The following GPC5 variants were observed in gnomAD, a reference collection of about 807,000 sequenced individuals.
GPC5 encodes glypican-5.
GPC5 carries 47 observed loss-of-function variants against 53.9 expected under a neutral mutation model. The ratio of observed to expected loss-of-function variants is 0.87; its 90% CI spans 0.69 to 1.11. The LOEUF (loss-of-function observed/expected upper bound fraction) is 1.11. Ranked by LOEUF, GPC5 falls within the 50% of genes most tolerant of loss-of-function variation. The pLI is 0.00. For missense variants in GPC5, 748 were observed against 713.1 expected (o/e 1.05, Z -0.56); for synonymous variants, 286 against 263.3 (o/e 1.09, Z -0.84).
chr13:91,669,394 C>T (rs1734124767), intron 2 of GPC5, among the ~76,000 whole-genome samples: 1 of 152,174 alleles, frequency 6.6e-6, no homozygotes, highest in South Asian at 2.1e-4. Flanking sequence ...AACCCCTCCA[C>T]AATAGAATAG....
intron 7 of GPC5, among the ~76,000 whole-genome samples, chr13:92,535,690 G>A (rs1196512801): frequency 6.6e-6 from 1 of 151,262 alleles, no homozygotes; most frequent in Non-Finnish European, 1.5e-5. Flanking sequence ...CAACCAGTCT[G>A]TGGGACTATT....
intron 6 of GPC5, among the ~76,000 whole-genome samples, chr13:91,975,611 T>C (rs1373006426): frequency 1.3e-5 from 2 of 152,248 alleles, no homozygotes; most frequent in East Asian, 1.9e-4. Flanking sequence ...CATTAAAAAG[T>C]CAGGAAACAA....
In GPC5 at chr13:92,730,215, G is replaced by C. The variant is rs1168470164; in HGVS notation, c.1562-136067G>C. Among the ~76,000 whole-genome samples, 4 of 151,430 alleles carry C rather than the reference G, an allele frequency of 2.6e-5. No individual in the cohort carries two copies. The East Asian group carries it at 7.8e-4, about 30-fold the overall frequency. ...TTTTTAATAGACTTCATTTTTAGCA[G>C]TTTTAAGTTTAGAGAGAAAAATAAG... is the stretch of plus-strand genomic sequence containing the variant. On this transcript the variant is annotated intron_variant, in intron 7 of 7. Transcript: ENST00000377067.
chr13:92,709,331 G>T (rs765858625), intron 7 of GPC5, among the ~76,000 whole-genome samples: 1 of 151,430 alleles, frequency 6.6e-6, no homozygotes, highest in Non-Finnish European at 1.5e-5. Flanking sequence ...AGTCCTGGAA[G>T]TACAGGCCAC....
intron 6 of GPC5, among the ~76,000 whole-genome samples, chr13:92,139,648 C>G (rs1219799440): frequency 1.8e-5 from 2 of 112,718 alleles, no homozygotes; most frequent in African/African-American, 3.6e-5. Flanking sequence ...GCCTGGGTGA[C>G]AGAGTGAGAT....
At chr13:92,632,120 CA>C (rs1020702791) in intron 7 of GPC5, among the ~76,000 whole-genome samples, 7 of 152,044 alleles carry the variant, frequency 4.6e-5, no homozygotes, top group African/African-American at 1.7e-4. Context: ...AATATTTACA[CA>C]CAAAAGTCAG....
chr13:91,749,015 A>G lies in GPC5; in HGVS notation c.1155-7280A>G, dbSNP rs371344511. On this transcript the variant is annotated intron_variant, in intron 4 of 7. Transcript: ENST00000377067. ...AGTCGAGCGCTCTTACGCCATGGCA[A>G]GACATTTTATTGTTTCTTATTTTTT... 2.6e-5 allele frequency among the ~76,000 whole-genome samples: 4 copies of G among 152,086 alleles called. No individual in the cohort carries two copies. In the East Asian group the frequency reaches 7.7e-4, roughly 29 times the overall value.
At chr13:91,908,215 A>G (rs548686390) in intron 6 of GPC5, among the ~76,000 whole-genome samples, 158 bp downstream of exon 6, 2 of 152,234 alleles carry the variant, frequency 1.3e-5, no homozygotes, top group East Asian at 3.9e-4. Context: ...ATTTAGTTTC[A>G]TGATTTTTGG....
intron 7 of GPC5, among the ~76,000 whole-genome samples, chr13:92,503,723 G>T (rs1880269692): frequency 6.6e-6 from 1 of 151,730 alleles, no homozygotes; most frequent in South Asian, 2.1e-4. Flanking sequence ...AAAACAATAA[G>T]TCTGTATCAC....
At chr13:91,416,255 C>T (rs1288218316) in intron 1 of GPC5, among the ~76,000 whole-genome samples, 1 of 152,042 alleles carries the variant, frequency 6.6e-6, no homozygotes, top group Admixed American at 6.5e-5. Flanking sequence ...TTAAGTTGAC[C>T]TCAAAAAGAA....
At chr13:92,079,329 C>T (rs928340396) in intron 6 of GPC5, among the ~76,000 whole-genome samples, 14 of 152,184 alleles carry the variant, frequency 9.2e-5, no homozygotes, top group African/African-American at 3.1e-4. Flanking sequence ...TGATTACAGG[C>T]GTAAGCCACC....
At position 92,512,052 on chromosome 13, in the gene GPC5, T is replaced by C. The variant is rs571933604; in HGVS notation, c.1562-354230T>C. Among the ~76,000 whole-genome samples, 5 of 152,272 alleles carry C rather than the reference T, an allele frequency of 3.3e-5. No individual in the cohort carries two copies. In the South Asian group the frequency reaches 1.0e-3, roughly 32 times the overall value. On this transcript the variant is annotated intron_variant, in intron 7 of 7. Transcript: ENST00000377067. ...GTCAGTGGGAAAGAAGCAAAATAGCTCCTGACCTTCTCTAAGACCAAGTTT... is the reference window on the plus strand; with the variant it reads ...GTCAGTGGGAAAGAAGCAAAATAGCCCCTGACCTTCTCTAAGACCAAGTTT...
chr13:91,635,722 CCTAT>C (rs528802093), intron 2 of GPC5, among the ~76,000 whole-genome samples: 40 of 152,246 alleles, frequency 2.6e-4, no homozygotes, highest in African/African-American at 8.9e-4. Flanking sequence ...CTGAAAATTG[CCTAT>C]CTTTTTTCTC....
intron 5 of GPC5, among the ~76,000 whole-genome samples, chr13:91,785,246 G>A (rs1389895563): frequency 1.3e-5 from 2 of 152,182 alleles, no homozygotes; most frequent in Admixed American, 6.5e-5. Flanking sequence ...GACATTTTGG[G>A]TCAGACAATT....
At chr13:91,974,341 A>G (rs1461651596) in intron 6 of GPC5, among the ~76,000 whole-genome samples, 4 of 152,202 alleles carry the variant, frequency 2.6e-5, no homozygotes, top group Non-Finnish European at 4.4e-5. Flanking sequence ...CCCTGTTTGT[A>G]GATGACATGA....
chr13:91,563,609 C>T (rs1347144439), intron 2 of GPC5, among the ~76,000 whole-genome samples: 1 of 152,144 alleles, frequency 6.6e-6, no homozygotes, highest in Admixed American at 6.6e-5. Context: ...TTTCTTTAGT[C>T]ATGACACAAA....
At chr13:92,737,502 T>G (rs934430918) in intron 7 of GPC5, among the ~76,000 whole-genome samples, 1 of 152,082 alleles carries the variant, frequency 6.6e-6, no homozygotes, top group South Asian at 2.1e-4. Flanking sequence ...TCAAGAAAAC[T>G]GGAAATTTAG....
At chr13:91,971,711 A>G (rs999765431) in intron 6 of GPC5, among the ~76,000 whole-genome samples, 4 of 152,184 alleles carry the variant, frequency 2.6e-5, no homozygotes, top group Non-Finnish European at 4.4e-5. Context: ...TTCTGCCTTC[A>G]TTTCGTTATG....
intron 2 of GPC5, among the ~76,000 whole-genome samples, chr13:91,464,158 A>C (rs1882098601): frequency 6.6e-6 from 1 of 152,130 alleles, no homozygotes; most frequent in Non-Finnish European, 1.5e-5. Context: ...TCCTGGAAAT[A>C]TAATTCAAAG....
Sources: allele counts gnomAD v4.1 joint callset (sites outside exome capture counted in the v4.1 genomes callset), GRCh38; gene constraint gnomAD v4.1.1; transcripts MANE v1.5; gene names NCBI Gene and HGNC (gene_info 2026-07-23, HGNC 2026-07-21).